Variants in SAMD5 observed in about 807,000 individuals in gnomAD.
SAMD5 encodes the protein sterile alpha motif domain containing 5, also known as sterile alpha motif domain-containing protein 5.
In SAMD5, 13 loss-of-function variants were observed where a neutral mutation model predicts 11.3. The observed-to-expected ratio is 1.15, with a 90% CI of 0.75 to 1.83. The LOEUF is 1.83. Among genes scored for constraint, SAMD5 ranks in the 40% most tolerant of loss-of-function variants. The pLI, the probability that SAMD5 is intolerant of heterozygous loss-of-function variation, is 0.00. For missense variants in SAMD5, 255 were observed against 239.1 expected, an observed-to-expected ratio of 1.07 and a Z score of -0.44; for synonymous variants, 129 against 111.3, an observed-to-expected ratio of 1.16 and a Z score of -1.00.
At chr6:147,773,419 G>A in the SAMD5 span, among the ~76,000 whole-genome samples, 1 of 152,156 alleles carries the variant, frequency 6.6e-6, no homozygotes, top group African/African-American at 2.4e-5. Flanking sequence ...GCCAAGTAGT[G>A]TGGGGAAGTG....
At chr6:147,840,480 C>A in the SAMD5 span, among the ~76,000 whole-genome samples, 1 of 152,186 alleles carries the variant, frequency 6.6e-6, no homozygotes, top group Admixed American at 6.5e-5. Context: ...GCAACCCAAA[C>A]ATAGACAATT....
the SAMD5 span, among the ~76,000 whole-genome samples, chr6:147,758,995 A>C: frequency 5.9e-5 from 9 of 152,328 alleles, no homozygotes; most frequent in South Asian, 1.7e-3. Flanking sequence ...AAACCTAAAC[A>C]AACAACAAAA....
chr6:147,838,620 G>A, the SAMD5 span, among the ~76,000 whole-genome samples: 6 of 147,932 alleles, frequency 4.1e-5, no homozygotes, highest in Admixed American at 6.9e-5. Context: ...ATTTTTCTGA[G>A]TTAGTTCAGT....
the SAMD5 span, among the ~76,000 whole-genome samples, chr6:147,839,510 G>A: frequency 6.6e-6 from 1 of 152,214 alleles, no homozygotes; most frequent in African/African-American, 2.4e-5. Context: ...GCATTTTGGG[G>A]GGGCTGAGGC....
chr6:147,737,365 G>T lies in SAMD5; in HGVS notation c.211G>T (p.Gly71Ter). 1 of 1,265,312 alleles carries T rather than the reference G, an allele frequency of 7.9e-7. No individual in the cohort carries two copies. Among genetic ancestry groups the T allele is most frequent in the Non-Finnish European group, 1.0e-6 (1 of 970,992 alleles). The allele number at this position is 1,265,312 out of a possible 1,614,324, so 78.4% of individuals were successfully genotyped here. Reference sequence around the variant, plus strand: ...AGAAGTAATTTGCGTGCTGTTTATTGGAGCTGTGAATTTAATCATCTCAAT... The same window carrying T: ...AGAAGTAATTTGCGTGCTGTTTATTTGAGCTGTGAATTTAATCATCTCAAT... The change falls in exon 2 of 2, where the codon GGA becomes TGA. Residue 71 changes from glycine (G) to a stop codon, truncating the protein, a stop_gained. Coordinates refer to the SAMD5 transcript ENST00000566741. LOFTEE classifies it high-confidence loss of function.
At chr6:147,838,545 G>T in the SAMD5 span, among the ~76,000 whole-genome samples, 1 of 113,094 alleles carries the variant, frequency 8.8e-6, no homozygotes, top group African/African-American at 3.9e-5. Flanking sequence ...CCCCCCCGTA[G>T]TTATTGTTTA....
the SAMD5 span, among the ~76,000 whole-genome samples, chr6:147,763,290 G>C: frequency 6.6e-6 from 1 of 151,984 alleles, no homozygotes; most frequent in African/African-American, 2.4e-5. Context: ...CTCCTGAGTA[G>C]CTGGGACTAC....
At chr6:147,519,854 T>A (rs1788224790) in intron 1 of SAMD5, among the ~76,000 whole-genome samples, 1 of 152,234 alleles carries the variant, frequency 6.6e-6, no homozygotes, top group South Asian at 2.1e-4. Flanking sequence ...AAAGACTTTT[T>A]CAAGGTGAAG....
the SAMD5 span, among the ~76,000 whole-genome samples, chr6:147,875,955 C>T: frequency 1.3e-5 from 2 of 152,110 alleles, no homozygotes; most frequent in Non-Finnish European, 2.9e-5. Flanking sequence ...ATGTAAGGCA[C>T]TTGAATCATC....
chr6:147,860,386 A>G, the SAMD5 span, among the ~76,000 whole-genome samples: 2 of 152,234 alleles, frequency 1.3e-5, no homozygotes, highest in African/African-American at 4.8e-5. Flanking sequence ...AGTGGTGGTT[A>G]GGACTTTGAC....
the SAMD5 span, among the ~76,000 whole-genome samples, chr6:147,899,208 A>T: frequency 6.6e-6 from 1 of 150,868 alleles, no homozygotes; most frequent in Non-Finnish European, 1.5e-5. Flanking sequence ...ACGTGTCAAC[A>T]GTGCATTGAA....
Position 147,568,610 on chromosome 6 carries a change from C to G in SAMD5, c.*4154C>G, listed in dbSNP as rs1789082072. 1 of 985,130 alleles carries G rather than the reference C, an allele frequency of 1.0e-6. No homozygotes were observed. The highest frequency in any genetic ancestry group is 1.7e-5 in the African/African-American group (1 of 57,222). The allele number at this position is 985,130 out of a possible 1,614,324, so 61.0% of individuals were successfully genotyped here. The stretch of plus-strand genomic sequence containing the variant: ...TTTTTATATCAGCTGACATCTTGTG[C>G]TTACAGTAAAGCCATATAGATGCAC... On this transcript the variant is annotated 3_prime_UTR_variant, in exon 2 of 2. Transcript: ENST00000367474.
the SAMD5 span, among the ~76,000 whole-genome samples, chr6:147,772,970 GTGGAACGACAC>G: frequency 1.3e-5 from 2 of 152,102 alleles, no homozygotes; most frequent in East Asian, 3.9e-4. Flanking sequence ...TCCACTGAGG[GTGGAACGACAC>G]TCACATATAG....
At chr6:147,522,038 G>A (rs1788262847) in intron 1 of SAMD5, among the ~76,000 whole-genome samples, 3 of 151,944 alleles carry the variant, frequency 2.0e-5, no homozygotes, top group Non-Finnish European at 2.9e-5. Flanking sequence ...TCCCATTAAT[G>A]TTTTTGTTTC....
At chr6:147,911,419 G>A in the SAMD5 span, among the ~76,000 whole-genome samples, 539 of 152,192 alleles carry the variant, frequency 3.5e-3, 2 homozygotes, top group African/African-American at 0.013. Flanking sequence ...CTGAAGATTC[G>A]GCTCCTCTTC....
At chr6:147,791,882 G>A in the SAMD5 span, among the ~76,000 whole-genome samples, 2 of 152,178 alleles carry the variant, frequency 1.3e-5, no homozygotes, top group Non-Finnish European at 2.9e-5. Context: ...ACGAGAAAAG[G>A]CAGAACTATA....
In SAMD5 at chr6:147,723,824, C is replaced by G. The variant is rs7764684; in HGVS notation, c.163-13493C>G. Among the ~76,000 whole-genome samples, 1,423 of 152,262 alleles carry G rather than the reference C, an allele frequency of 9.3e-3. 30 individuals are homozygous for G. Among genetic ancestry groups the G allele is most frequent in the African/African-American group, 0.032 (1,339 of 41,526 alleles). On this transcript the variant is annotated intron_variant, in intron 1 of 1. Transcript: ENST00000566741. ...ACTTGGTTGCCTTGGGACTTTGGCTCTCTGATGGACTCCAGAAAATGTATA... is the reference window on the plus strand; with the variant it reads ...ACTTGGTTGCCTTGGGACTTTGGCTGTCTGATGGACTCCAGAAAATGTATA...
At chr6:147,548,645 A>G (rs1471344983) in intron 1 of SAMD5, among the ~76,000 whole-genome samples, 1 of 152,180 alleles carries the variant, frequency 6.6e-6, no homozygotes, top group Non-Finnish European at 1.5e-5. Flanking sequence ...GGTATCCTCT[A>G]TGCCTTTTTT....
chr6:147,780,814 TA>T, the SAMD5 span, among the ~76,000 whole-genome samples: 1 of 152,252 alleles, frequency 6.6e-6, no homozygotes, highest in Non-Finnish European at 1.5e-5. Flanking sequence ...TTGAACTTTT[TA>T]AAACTTGATG....
Sources: gnomAD v4.1 joint callset for allele counts (sites outside exome capture counted in the v4.1 genomes callset) on GRCh38, gnomAD v4.1.1 for gene constraint, MANE v1.5 for transcripts, NCBI Gene and HGNC (gene_info 2026-07-23, HGNC 2026-07-21) for gene names.